Variants in CCDC181 observed in about 807,000 individuals in gnomAD.
The protein encoded by CCDC181 is coiled-coil domain-containing protein 181.
Under a neutral mutation model 58.7 loss-of-function variants are expected in CCDC181, and 35 were observed. The ratio of observed to expected loss-of-function variants is 0.60; its 90% CI spans 0.46 to 0.79. The LOEUF (loss-of-function observed/expected upper bound fraction) is 0.79. CCDC181 is among the 30% of genes least tolerant of loss of function. The pLI is 0.00. For missense variants in CCDC181, 517 were observed against 583.9 expected, an observed-to-expected ratio of 0.89 and a Z score of 1.18; for synonymous variants, 183 against 197.5, an observed-to-expected ratio of 0.93 and a Z score of 0.62.
intron 4 of CCDC181, among the ~76,000 whole-genome samples, chr1:169,404,713 G>T (rs1655552603): frequency 6.6e-6 from 1 of 152,162 alleles, no homozygotes; most frequent in South Asian, 2.1e-4. Flanking sequence ...CATAGTGAAT[G>T]GGCAAAACTG....
At chr1:169,418,500 T>C (rs1656312007) in intron 4 of CCDC181, among the ~76,000 whole-genome samples, 1 of 151,850 alleles carries the variant, frequency 6.6e-6, no homozygotes, top group Non-Finnish European at 1.5e-5. Flanking sequence ...TTTTTTCTTT[T>C]TTTTTAAATT....
At chr1:169,449,291 A>G (rs1657465998) in intron 2 of CCDC181, among the ~76,000 whole-genome samples, 1 of 152,160 alleles carries the variant, frequency 6.6e-6, no homozygotes, top group South Asian at 2.1e-4. Flanking sequence ...TTGTTTTAAT[A>G]TGGCTAGGAG....
At chr1:169,398,970 G>A (rs148016880) in intron 4 of CCDC181, among the ~76,000 whole-genome samples, 107 of 152,322 alleles carry the variant, frequency 7.0e-4, no homozygotes, top group Non-Finnish European at 1.2e-3. Flanking sequence ...GCTAAGAAGG[G>A]ATTGTGTTTG....
intron 4 of CCDC181, among the ~76,000 whole-genome samples, chr1:169,409,052 G>A (rs145616352): frequency 3.3e-5 from 5 of 152,178 alleles, no homozygotes; most frequent in African/African-American, 7.2e-5. Flanking sequence ...ACGAATTGAC[G>A]GAAGTAGGCT....
At chr1:169,402,474 A>C (rs1280647864) in intron 4 of CCDC181, among the ~76,000 whole-genome samples, 1 of 152,238 alleles carries the variant, frequency 6.6e-6, no homozygotes, top group Non-Finnish European at 1.5e-5. Flanking sequence ...GAAACTCTAC[A>C]AGCCAGAAGA....
chr1:169,407,763 G>A (rs1655743612), intron 4 of CCDC181, among the ~76,000 whole-genome samples: 1 of 152,180 alleles, frequency 6.6e-6, no homozygotes, highest in African/African-American at 2.4e-5. Context: ...TAGACAGTGG[G>A]TGCAACCCAC....
chr1:169,434,287 A>G (rs1656998112), intron 2 of CCDC181, among the ~76,000 whole-genome samples: 1 of 151,876 alleles, frequency 6.6e-6, no homozygotes, highest in Non-Finnish European at 1.5e-5. Context: ...CAAAATAAAT[A>G]TTGGCAAGGA....
At chr1:169,401,709 T>G (rs7554689) in intron 4 of CCDC181, among the ~76,000 whole-genome samples, 1 of 151,992 alleles carries the variant, frequency 6.6e-6, no homozygotes, top group Admixed American at 6.5e-5. Context: ...GAAACCAGAG[T>G]AGAAAAGCTG....
intron 4 of CCDC181, among the ~76,000 whole-genome samples, chr1:169,414,837 T>G (rs1656139992): frequency 6.6e-6 from 1 of 152,154 alleles, no homozygotes; most frequent in African/African-American, 2.4e-5. Context: ...TAAGCCAAAT[T>G]AATCAACTAC....
intron 4 of CCDC181, among the ~76,000 whole-genome samples, chr1:169,403,526 A>G (rs1276063100): frequency 1.3e-5 from 2 of 152,238 alleles, no homozygotes; most frequent in Admixed American, 1.3e-4. Context: ...CCGCTCAACT[A>G]CGTGGAAACT....
intron 4 of CCDC181, among the ~76,000 whole-genome samples, chr1:169,406,825 A>G (rs1441442194): frequency 6.6e-6 from 1 of 151,884 alleles, no homozygotes; most frequent in Non-Finnish European, 1.5e-5. Context: ...AAAAAAAATA[A>G]AAAAAAATAA....
At chr1:169,403,934 AAGAG>A (rs1655503449) in intron 4 of CCDC181, among the ~76,000 whole-genome samples, 1 of 152,192 alleles carries the variant, frequency 6.6e-6, no homozygotes, top group Admixed American at 6.5e-5. Context: ...TAAAGAAGAA[AAGAG>A]AGAAGAATCA....
upstream of CCDC181, among the ~76,000 whole-genome samples, chr1:169,430,455 C>G (rs147669877): frequency 8.8e-3 from 1,336 of 152,234 alleles, 19 homozygotes; most frequent in African/African-American, 0.03. Flanking sequence ...TTTGTGTCAT[C>G]TATGATTTCT....
chr1:169,400,850 C>T (rs2003654), intron 4 of CCDC181, among the ~76,000 whole-genome samples: 81,155 of 151,902 alleles, frequency 0.53, 22,527 homozygotes, highest in Non-Finnish European at 0.6. Context: ...CACAGTGGGG[C>T]ATCGCCTCAC....
intron 2 of CCDC181, among the ~76,000 whole-genome samples, chr1:169,433,744 G>A (rs955693645): frequency 6.6e-6 from 1 of 151,968 alleles, no homozygotes; most frequent in Admixed American, 6.6e-5. Flanking sequence ...AATGAATTAG[G>A]TTGGACCCTT....
chr1:169,406,392 C>T (rs1467094740), intron 4 of CCDC181, among the ~76,000 whole-genome samples: 1 of 152,180 alleles, frequency 6.6e-6, no homozygotes, highest in Non-Finnish European at 1.5e-5. Flanking sequence ...GACTCGGAAC[C>T]AACCCAAACG....
intron 4 of CCDC181, among the ~76,000 whole-genome samples, chr1:169,410,812 A>G (rs181517342): frequency 6.6e-6 from 1 of 152,332 alleles, no homozygotes; most frequent in Admixed American, 6.5e-5. Flanking sequence ...AACGAAATTA[A>G]GGGAGAAATA....
chr1:169,447,427 G>A (rs1330441996), intron 2 of CCDC181, among the ~76,000 whole-genome samples: 1 of 152,068 alleles, frequency 6.6e-6, no homozygotes, highest in Non-Finnish European at 1.5e-5. Flanking sequence ...CTGTAAAGTT[G>A]TATTTTGTAG....
Position 169,395,014 on chromosome 1 carries a change from G to C in CCDC181, c.*33C>G. On this transcript the variant is annotated 3_prime_UTR_variant, in exon 6 of 6. Transcript: ENST00000367806. ...AGAAATCATATCCAAAATTTTGATA[G>C]CAGCTGCCCACTGAAATATTTAATA... 1 of 1,537,424 alleles carries C rather than the reference G, an allele frequency of 6.5e-7. No homozygotes were observed. Among genetic ancestry groups the C allele is most frequent in the Non-Finnish European group, 8.7e-7 (1 of 1,142,948 alleles).
Sources: allele counts gnomAD v4.1 joint callset (sites outside exome capture counted in the v4.1 genomes callset), GRCh38; gene constraint gnomAD v4.1.1; transcripts MANE v1.5; gene names NCBI Gene and HGNC (gene_info 2026-07-23, HGNC 2026-07-21).